The following CNTN6 variants were observed in gnomAD, a reference collection of about 807,000 sequenced individuals.
CNTN6 encodes the protein contactin 6.
In CNTN6, 137 loss-of-function variants were observed where a neutral mutation model predicts 122.8. The ratio of observed to expected loss-of-function variants is 1.12; its 90% CI spans 0.97 to 1.29. The LOEUF (loss-of-function observed/expected upper bound fraction) is 1.29, where lower values mean the gene tolerates loss of function less well. Among genes scored for constraint, CNTN6 ranks in the 50% most tolerant of loss-of-function variants. The pLI is 0.00. For missense variants in CNTN6, 1,634 were observed against 1,223.4 expected (o/e 1.34, Z -5.01); for synonymous variants, 570 against 426.0 (o/e 1.34, Z -4.16).
intron 8 of CNTN6, among the ~76,000 whole-genome samples, chr3:1,322,480 A>G (rs548999372): frequency 2.5e-4 from 38 of 151,874 alleles, no homozygotes; most frequent in South Asian, 1.2e-3. Flanking sequence ...AGAATTTGCA[A>G]AATGCTGTAT....
chr3:1,353,350 A>G (rs574022304), intron 12 of CNTN6, among the ~76,000 whole-genome samples: 72 of 151,844 alleles, frequency 4.7e-4, no homozygotes, highest in African/African-American at 1.7e-3. Flanking sequence ...CACTTCAACC[A>G]TCCTTTAAAA....
At chr3:1,165,392 A>G (rs139386203) in intron 2 of CNTN6, among the ~76,000 whole-genome samples, 81 of 152,282 alleles carry the variant, frequency 5.3e-4, no homozygotes, top group Non-Finnish European at 7.9e-4. Flanking sequence ...ATGAGTTTCA[A>G]TGGTCCATCT....
chr3:1,194,784 T>C (rs572663513), intron 2 of CNTN6, among the ~76,000 whole-genome samples: 39 of 152,264 alleles, frequency 2.6e-4, no homozygotes, highest in African/African-American at 8.9e-4. Flanking sequence ...TTGGGGGTGA[T>C]GTCAACTCCA....
At chr3:1,341,149 T>C (rs1299672876) in intron 11 of CNTN6, among the ~76,000 whole-genome samples, 1 of 152,102 alleles carries the variant, frequency 6.6e-6, no homozygotes, top group Non-Finnish European at 1.5e-5. Flanking sequence ...ATTTTCAATG[T>C]GTTCTCCTCT....
chr3:1,195,561 C>CT (rs2093764784), intron 2 of CNTN6, among the ~76,000 whole-genome samples: 1 of 152,110 alleles, frequency 6.6e-6, no homozygotes, highest in African/African-American at 2.4e-5. Flanking sequence ...TTTACTTTTA[C>CT]TTTTCTTTTC....
intron 5 of CNTN6, among the ~76,000 whole-genome samples, chr3:1,290,622 A>T (rs1695170140): frequency 6.6e-6 from 1 of 152,252 alleles, no homozygotes; most frequent in Non-Finnish European, 1.5e-5. Context: ...CAAGTTTATT[A>T]GGAAAGTAAA....
chr3:1,168,160 G>A (rs113722215), intron 2 of CNTN6, among the ~76,000 whole-genome samples: 51 of 151,966 alleles, frequency 3.4e-4, no homozygotes, highest in Middle Eastern at 6.8e-3. Flanking sequence ...TGCCCACCTC[G>A]GCCTCCCAAA....
chr3:1,296,578 G>C (rs1012102493), intron 6 of CNTN6, among the ~76,000 whole-genome samples: 2 of 152,116 alleles, frequency 1.3e-5, no homozygotes, highest in Non-Finnish European at 2.9e-5. Flanking sequence ...ATACCTCGTG[G>C]AGTTTTTCTC....
chr3:1,291,719 C>A (rs761512728), intron 5 of CNTN6, among the ~76,000 whole-genome samples: 44 of 152,162 alleles, frequency 2.9e-4, no homozygotes, highest in Admixed American at 1.8e-3. Flanking sequence ...AAACAAAAAC[C>A]TTTGAGCATC....
chr3:1,356,250 G>A (rs776715267), intron 12 of CNTN6, among the ~76,000 whole-genome samples: 1 of 151,738 alleles, frequency 6.6e-6, no homozygotes, highest in African/African-American at 2.4e-5. Flanking sequence ...GGCAACATTT[G>A]TTTTTGTTTC....
chr3:1,184,744 T>G (rs2093605616), intron 2 of CNTN6, among the ~76,000 whole-genome samples: 1 of 152,124 alleles, frequency 6.6e-6, no homozygotes, highest in South Asian at 2.1e-4. Context: ...GGAAATGATC[T>G]GGATAGCTAA....
chr3:1,128,757 CTGTT>C (rs1352500044), intron 1 of CNTN6, among the ~76,000 whole-genome samples: 3 of 136,378 alleles, frequency 2.2e-5, no homozygotes, highest in African/African-American at 8.1e-5. Flanking sequence ...CTTGTGTTAG[CTGTT>C]TGTTTCTAAA....
intron 2 of CNTN6, among the ~76,000 whole-genome samples, chr3:1,206,250 T>C (rs1204936459): frequency 6.6e-6 from 1 of 152,112 alleles, no homozygotes; most frequent in Admixed American, 6.5e-5. Flanking sequence ...CTTCCCCTCC[T>C]ATCATCTGTC....
At chr3:1,228,031 A>G in intron 4 of CNTN6, 38 bp downstream of exon 4, 1 of 1,581,440 alleles carries the variant, frequency 6.3e-7, no homozygotes, top group South Asian at 1.1e-5. Flanking sequence ...TTGTCTCTGA[A>G]AATATAATAT....
intron 20 of CNTN6, 142 bp from the exon 21 acceptor site, chr3:1,401,291 T>C (rs898130953): frequency 3.0e-6 from 2 of 658,858 alleles, no homozygotes; most frequent in African/African-American, 3.7e-5. Context: ...TTAGAATTAA[T>C]ATATTTCAAA....
At chr3:1,126,942 G>A (rs1018586639) in intron 1 of CNTN6, among the ~76,000 whole-genome samples, 2 of 151,674 alleles carry the variant, frequency 1.3e-5, no homozygotes, top group African/African-American at 4.8e-5. Context: ...TCATCACCAG[G>A]TCAATGGAAT....
intron 3 of CNTN6, 73 bp downstream of exon 3, chr3:1,220,886 G>A: frequency 2.7e-6 from 4 of 1,463,040 alleles, no homozygotes; most frequent in Non-Finnish European, 2.7e-6. Flanking sequence ...AAAATAAAGT[G>A]TTTTATAAAA....
intron 7 of CNTN6, among the ~76,000 whole-genome samples, chr3:1,300,595 AAGAAAGAAAG>A (rs57083079): frequency 0.027 from 3,326 of 122,664 alleles, 156 homozygotes; most frequent in African/African-American, 0.13. Context: ...GAAAGAAAGA[AAGAAAGAAAG>A]AGAGAAAGAA....
intron 2 of CNTN6, among the ~76,000 whole-genome samples, chr3:1,172,310 T>A (rs1345031367): frequency 1.3e-5 from 2 of 151,138 alleles, no homozygotes; most frequent in Non-Finnish European, 3.0e-5. Flanking sequence ...TGATAAAGAA[T>A]AAAAATTGAA....
Sources: allele counts gnomAD v4.1 joint callset (sites outside exome capture counted in the v4.1 genomes callset), GRCh38; gene constraint gnomAD v4.1.1; transcripts MANE v1.5; gene names NCBI Gene and HGNC (gene_info 2026-07-23, HGNC 2026-07-21).